TRAPPC9: variants seen among roughly 807,000 people sequenced by gnomAD.
TRAPPC9 encodes trafficking protein particle complex subunit 9.
Under a neutral mutation model 124.0 loss-of-function variants are expected in TRAPPC9, and 83 were observed. The ratio of observed to expected loss-of-function variants is 0.67; its 90% CI spans 0.56 to 0.80. TRAPPC9 has a LOEUF of 0.80. Ranked by LOEUF, TRAPPC9 falls within the 30% of genes least tolerant of loss-of-function variation. TRAPPC9 has a pLI of 0.00. For synonymous variants in TRAPPC9, 638 were observed against 617.5 expected, an observed-to-expected ratio of 1.03 and a Z score of -0.49; for missense variants, 1,302 against 1,508.3, an observed-to-expected ratio of 0.86 and a Z score of 2.27.
chr8:139,981,937 T>C (rs937580720), intron 19 of TRAPPC9, among the ~76,000 whole-genome samples: 1 of 152,220 alleles, frequency 6.6e-6, no homozygotes, highest in African/African-American at 2.4e-5. Context: ...CCAGGTCCGC[T>C]GCACCCTCTA....
chr8:140,232,330 A>C (rs1450523586), intron 16 of TRAPPC9, among the ~76,000 whole-genome samples: 4 of 152,002 alleles, frequency 2.6e-5, no homozygotes. Context: ...AGCAGAAGGC[A>C]GGTAACTTCT....
chr8:139,869,897 G>A (rs997440996), intron 21 of TRAPPC9, among the ~76,000 whole-genome samples: 3 of 151,922 alleles, frequency 2.0e-5, no homozygotes, highest in Non-Finnish European at 4.4e-5. Flanking sequence ...CTAGAACATG[G>A]AAAAGAGTAG....
At chr8:140,296,119 C>A (rs540236006) in intron 11 of TRAPPC9, among the ~76,000 whole-genome samples, 3 of 152,218 alleles carry the variant, frequency 2.0e-5, no homozygotes, top group African/African-American at 7.2e-5. Context: ...TTCGTTCAGT[C>A]TTAATTTTCT....
chr8:140,294,313 C>T (rs982261912), intron 11 of TRAPPC9, among the ~76,000 whole-genome samples: 22 of 152,216 alleles, frequency 1.4e-4, no homozygotes, highest in Non-Finnish European at 2.6e-4. Flanking sequence ...GCACAACATG[C>T]TCCCAGCCCG....
At chr8:139,923,295 T>C (rs1031645186) in intron 19 of TRAPPC9, among the ~76,000 whole-genome samples, 2 of 152,236 alleles carry the variant, frequency 1.3e-5, no homozygotes, top group Non-Finnish European at 2.9e-5. Flanking sequence ...ATTTCCCTTC[T>C]TTCTACAGGA....
rs34179337 is a variant in TRAPPC9 at position 140,360,087 on chromosome 8, G to A, written c.1458C>T (p.Phe486=). Residue 486 remains phenylalanine (F), a synonymous_variant, in exon 9 of 23, where the codon TTC becomes TTT. Transcript: ENST00000438773. ...NPALSVRHLS[F]LLQTMLDFLS... is the part of the protein sequence containing the mutation. ...AGAAGTCCAGCATGGTCTGTAGAAG[G>A]AAGGACAGGTGTCTGACAGAGAGGG... The A allele has an allele frequency of 1.8e-3, 2,859 of 1,614,176 alleles. 33 individuals carry two copies. In the African/African-American group the frequency reaches 0.026, roughly 15 times the overall value.
chr8:140,456,320 G>A lies in TRAPPC9; in HGVS notation c.-11+1319C>T, dbSNP rs549457782. On this transcript the variant is annotated intron_variant, in intron 1 of 22. Coordinates refer to ENST00000438773, the MANE Select transcript of TRAPPC9 (RefSeq NM_001160372.4). ...CCAGCTACTCAGGAGGCTGAGGCAGGAGAATCGCTTGAACCCAGGAGGCGG... is the reference window on the plus strand; with the variant it reads ...CCAGCTACTCAGGAGGCTGAGGCAGAAGAATCGCTTGAACCCAGGAGGCGG... Among the ~76,000 whole-genome samples the A allele has an allele frequency of 2.6e-5, 4 of 151,980 alleles. No individual in the cohort carries two copies. In the East Asian group the frequency reaches 5.8e-4, roughly 22 times the overall value.
At chr8:140,035,310 C>A (rs188747179) in intron 17 of TRAPPC9, among the ~76,000 whole-genome samples, 41 of 152,296 alleles carry the variant, frequency 2.7e-4, no homozygotes. Context: ...ACTTGACAGC[C>A]AGCACTTCAT....
chr8:139,912,288 G>A (rs1831790952), intron 19 of TRAPPC9, among the ~76,000 whole-genome samples: 1 of 152,066 alleles, frequency 6.6e-6, no homozygotes, highest in African/African-American at 2.4e-5. Context: ...TTGAAGTCTT[G>A]TTTTATTCTC....
intron 17 of TRAPPC9, among the ~76,000 whole-genome samples, chr8:140,157,438 G>A (rs1036767101): frequency 2.0e-4 from 31 of 152,136 alleles, no homozygotes; most frequent in Admixed American, 1.6e-3. Context: ...GGAGGGAGGA[G>A]AAGGGAGGGA....
intron 21 of TRAPPC9, among the ~76,000 whole-genome samples, chr8:139,870,495 A>T (rs2131029291): frequency 6.6e-6 from 1 of 152,350 alleles, no homozygotes; most frequent in Middle Eastern, 3.4e-3. Context: ...TCATGCTTAT[A>T]ACAGCAAAAC....
At chr8:140,279,459 C>T (rs1369686465) in intron 14 of TRAPPC9, among the ~76,000 whole-genome samples, 1 of 152,116 alleles carries the variant, frequency 6.6e-6, no homozygotes, top group Admixed American at 6.5e-5. Flanking sequence ...CAGGAAGTCA[C>T]CTTAGAAAAA....
intron 14 of TRAPPC9, among the ~76,000 whole-genome samples, chr8:140,280,635 T>C (rs886396642): frequency 2.0e-5 from 3 of 151,946 alleles, no homozygotes; most frequent in African/African-American, 2.4e-5. Context: ...GGTTTCACCA[T>C]GTTGGTCAGG....
chr8:139,937,431 G>A (rs11166940), intron 19 of TRAPPC9, among the ~76,000 whole-genome samples: 62,334 of 151,922 alleles, frequency 0.41, 13,179 homozygotes, highest in East Asian at 0.6. Context: ...TGTGGGTTGG[G>A]CTGACATCTC....
chr8:139,841,148 C>T (rs552300911), intron 21 of TRAPPC9, among the ~76,000 whole-genome samples: 6 of 152,332 alleles, frequency 3.9e-5, no homozygotes, highest in African/African-American at 1.4e-4. Context: ...GGATTTCCCA[C>T]ATCCCCTCGC....
At chr8:139,878,632 G>A (rs1390874661) in intron 21 of TRAPPC9, among the ~76,000 whole-genome samples, 5 of 152,114 alleles carry the variant, frequency 3.3e-5, no homozygotes, top group South Asian at 2.1e-4. Context: ...AAGACCTCAC[G>A]CCTGGCCCAG....
intron 18 of TRAPPC9, among the ~76,000 whole-genome samples, chr8:140,009,755 T>A (rs940023535): frequency 6.6e-6 from 1 of 151,294 alleles, no homozygotes; most frequent in Non-Finnish European, 1.5e-5. Context: ...ACGTCCCCCC[T>A]GCTATGCTGA....
chr8:140,015,291 G>A (rs867231453), intron 18 of TRAPPC9, among the ~76,000 whole-genome samples: 21 of 152,276 alleles, frequency 1.4e-4, no homozygotes, highest in Middle Eastern at 3.4e-3. Flanking sequence ...AAACTCTCCG[G>A]GCCTCGTTTG....
At chr8:140,042,462 C>T (rs569750720) in intron 17 of TRAPPC9, among the ~76,000 whole-genome samples, 1 of 152,216 alleles carries the variant, frequency 6.6e-6, no homozygotes, top group African/African-American at 2.4e-5. Flanking sequence ...GTTCCGGCTG[C>T]TTTTTATAGA....
Sources: allele counts gnomAD v4.1 joint callset (sites outside exome capture counted in the v4.1 genomes callset), GRCh38; gene constraint gnomAD v4.1.1; transcripts MANE v1.5; gene names NCBI Gene and HGNC (gene_info 2026-07-23, HGNC 2026-07-21).